The following PLXDC2 variants were observed in gnomAD, a reference collection of about 807,000 sequenced individuals.
PLXDC2 encodes the protein plexin domain containing 2.
Under a neutral mutation model 68.9 loss-of-function variants are expected in PLXDC2, and 40 were observed. The ratio of observed to expected loss-of-function variants is 0.58; its 90% CI spans 0.45 to 0.76. The LOEUF (loss-of-function observed/expected upper bound fraction) is 0.76. PLXDC2 is among the 30% of genes least tolerant of loss of function. PLXDC2 has a pLI of 0.00. For missense variants in PLXDC2, 644 were observed against 661.9 expected, an observed-to-expected ratio of 0.97 and a Z score of 0.30; for synonymous variants, 243 against 234.2, an observed-to-expected ratio of 1.04 and a Z score of -0.34.
intron 3 of PLXDC2, 65 bp downstream of exon 3, chr10:20,047,080 T>A (rs921532210): frequency 5.1e-5 from 74 of 1,441,456 alleles, no homozygotes; most frequent in Middle Eastern, 3.7e-4. Context: ...TTAATTGGCC[T>A]ACAACCATTT....
At chr10:20,047,715 G>A (rs1398483977) in intron 3 of PLXDC2, among the ~76,000 whole-genome samples, 1 of 152,058 alleles carries the variant, frequency 6.6e-6, no homozygotes, top group Non-Finnish European at 1.5e-5. Flanking sequence ...ATGCTCAAAT[G>A]CATTAGCTTT....
At chr10:20,024,992 G>C (rs1454212058) in intron 2 of PLXDC2, among the ~76,000 whole-genome samples, 1 of 152,080 alleles carries the variant, frequency 6.6e-6, no homozygotes, top group East Asian at 1.9e-4. Context: ...AGTTGATTCT[G>C]TGTCTTTGCT....
intron 9 of PLXDC2, 108 bp from the exon 10 acceptor site, chr10:20,211,561 C>A (rs1835069688): frequency 3.2e-6 from 3 of 926,190 alleles, no homozygotes; most frequent in South Asian, 1.9e-5. Flanking sequence ...TTATGCTAAA[C>A]TGAAAATGTG....
intron 7 of PLXDC2, among the ~76,000 whole-genome samples, chr10:20,169,735 C>A (rs1211350924): frequency 3.3e-5 from 5 of 152,128 alleles, no homozygotes; most frequent in Non-Finnish European, 7.3e-5. Flanking sequence ...TAATTTGGAA[C>A]AGATAAGGCC....
intron 4 of PLXDC2, among the ~76,000 whole-genome samples, chr10:20,089,278 A>G (rs906843213): frequency 1.3e-5 from 2 of 151,936 alleles, no homozygotes; most frequent in East Asian, 1.9e-4. Flanking sequence ...TCAATTTCCA[A>G]TGTATGAGTC....
intron 2 of PLXDC2, among the ~76,000 whole-genome samples, chr10:20,013,406 A>ATT (rs1200853403): frequency 6.6e-6 from 1 of 152,064 alleles, no homozygotes; most frequent in Non-Finnish European, 1.5e-5. Flanking sequence ...TCATGACAGG[A>ATT]TTTTTTACCT....
At position 20,177,371 on chromosome 10, in the gene PLXDC2, G is replaced by A; in HGVS notation, c.1023G>A (p.Gln341=). The change falls in exon 9 of 14, where the codon CAG becomes CAA. Residue 341 remains glutamine (Q), a synonymous_variant. Transcript: ENST00000377252. The part of the protein sequence containing the change: ...FNRCGPCVSS[Q]IGFNCSWCSK... ...GATGTGGCCCCTGTGTATCTTCTCA[G>A]ATTGGCTTCAACTGCAGTTGGTGTA... The A allele has an allele frequency of 6.2e-7, 1 of 1,602,708 alleles. No homozygotes were observed. Among genetic ancestry groups the A allele is most frequent in the Non-Finnish European group, 8.5e-7 (1 of 1,170,546 alleles).
chr10:20,082,070 A>AAAAAAAAAAACAAAAAC (rs1554765383), intron 4 of PLXDC2, among the ~76,000 whole-genome samples: 4 of 121,932 alleles, frequency 3.3e-5, no homozygotes, highest in African/African-American at 7.9e-5. Flanking sequence ...AAATCAAAAA[A>AAAAAAAAAAACAAAAAC]AAAAAACAGG....
At chr10:20,188,038 A>G (rs1323254039) in intron 9 of PLXDC2, among the ~76,000 whole-genome samples, 2 of 151,638 alleles carry the variant, frequency 1.3e-5, no homozygotes, top group East Asian at 3.9e-4. Context: ...TACATAATAG[A>G]TGCTGTTCAT....
At chr10:20,193,240 G>A (rs939971719) in intron 9 of PLXDC2, among the ~76,000 whole-genome samples, 1 of 151,998 alleles carries the variant, frequency 6.6e-6, no homozygotes, top group Non-Finnish European at 1.5e-5. Context: ...AATATTCACC[G>A]TATCTGGCCT....
chr10:20,016,833 ATATT>A (rs1835220939), intron 2 of PLXDC2, among the ~76,000 whole-genome samples: 3 of 152,300 alleles, frequency 2.0e-5, no homozygotes, highest in Non-Finnish European at 2.9e-5. Context: ...AGCAGTGCTT[ATATT>A]AGCAGCCTCA....
At chr10:20,240,037 G>A (rs1182550351) in intron 12 of PLXDC2, among the ~76,000 whole-genome samples, 4 of 152,270 alleles carry the variant, frequency 2.6e-5, no homozygotes, top group African/African-American at 9.6e-5. Flanking sequence ...CAGGTAATAA[G>A]CATAGTACCC....
chr10:20,251,032 C>T (rs1210510653), intron 13 of PLXDC2, among the ~76,000 whole-genome samples: 5 of 152,204 alleles, frequency 3.3e-5, no homozygotes, highest in African/African-American at 1.2e-4. Flanking sequence ...CAAATCATCA[C>T]TCCATAAACA....
intron 1 of PLXDC2, among the ~76,000 whole-genome samples, chr10:19,951,508 G>A (rs35989669): frequency 0.025 from 3,865 of 152,246 alleles, 76 homozygotes; most frequent in Middle Eastern, 0.041. Context: ...ACAACAGGTC[G>A]TGGCAAGGCT....
At chr10:20,170,964 A>T (rs1359613147) in intron 7 of PLXDC2, among the ~76,000 whole-genome samples, 1 of 152,020 alleles carries the variant, frequency 6.6e-6, no homozygotes, top group African/African-American at 2.4e-5. Context: ...ATTAGATGTG[A>T]TTAAATAATA....
intron 1 of PLXDC2, 94 bp from the exon 2 acceptor site, chr10:20,001,681 C>A (rs1834940834): frequency 2.7e-6 from 3 of 1,092,894 alleles, no homozygotes; most frequent in Non-Finnish European, 4.0e-6. Context: ...TATTCTCGTG[C>A]CTCACAGAAT....
chr10:19,956,905 A>G (rs916439778), intron 1 of PLXDC2, among the ~76,000 whole-genome samples: 6 of 152,164 alleles, frequency 3.9e-5, no homozygotes. Flanking sequence ...AGCAGATAGT[A>G]AAAACTTAAG....
At chr10:19,858,292 C>T (rs1260200041) in intron 1 of PLXDC2, among the ~76,000 whole-genome samples, 1 of 152,188 alleles carries the variant, frequency 6.6e-6, no homozygotes. Context: ...ATGCAGCTAA[C>T]CTGCTGTCTC....
chr10:20,063,607 G>T (rs1041171043), intron 3 of PLXDC2, among the ~76,000 whole-genome samples: 1 of 73,768 alleles, frequency 1.4e-5, no homozygotes, highest in African/African-American at 1.6e-4. Context: ...AATTAGCAGA[G>T]ATTTAATAAT....
Sources: allele counts gnomAD v4.1 joint callset (sites outside exome capture counted in the v4.1 genomes callset), GRCh38; gene constraint gnomAD v4.1.1; transcripts MANE v1.5; gene names NCBI Gene and HGNC (gene_info 2026-07-23, HGNC 2026-07-21).